The following SH3RF2 variants were observed in gnomAD, a reference collection of about 807,000 sequenced individuals.
SH3RF2 encodes the protein E3 ubiquitin-protein ligase SH3RF2.
In SH3RF2, 43 loss-of-function variants were observed where a neutral mutation model predicts 59.0. The ratio of observed to expected loss-of-function variants is 0.73; its 90% CI spans 0.57 to 0.94. The LOEUF is 0.94. SH3RF2 is among the 40% of genes least tolerant of loss of function. The pLI, the probability that SH3RF2 is intolerant of heterozygous loss-of-function variation, is 0.00. For missense variants in SH3RF2, 930 were observed against 940.1 expected (o/e 0.99, Z 0.14); for synonymous variants, 391 against 391.5 (o/e 1.00, Z 0.01).
intron 5 of SH3RF2, among the ~76,000 whole-genome samples, chr5:146,042,813 G>A (rs951593987): frequency 3.3e-5 from 5 of 152,184 alleles, no homozygotes; most frequent in African/African-American, 1.2e-4. Flanking sequence ...TCCTTCAAAA[G>A]GGAGGGAAAA....
rs200244099 is a variant in SH3RF2 at position 146,013,932 on chromosome 5, G to A, written c.930G>A (p.Arg310=). The change falls in exon 5 of 10, where the codon CGG becomes CGA. Residue 310 remains arginine, a synonymous_variant. Coordinates refer to ENST00000359120, the MANE Select transcript of SH3RF2 (RefSeq NM_152550.4). ...SITTALNTLN[R]MVHSPSGRHM... Reference sequence around the variant, plus strand: ...CAACAGCCTTGAACACTCTCAACCGGATGGTCCATTCTCCTTCAGGGCGCC... The same window carrying A: ...CAACAGCCTTGAACACTCTCAACCGAATGGTCCATTCTCCTTCAGGGCGCC... The A allele has an allele frequency of 1.2e-6, 2 of 1,614,130 alleles. No individual in the cohort carries two copies. The highest frequency in any genetic ancestry group is 2.2e-5 in the East Asian group (1 of 44,876).
At chr5:145,995,154 T>C (rs1375119792) in intron 2 of SH3RF2, among the ~76,000 whole-genome samples, 1 of 152,144 alleles carries the variant, frequency 6.6e-6, no homozygotes, top group African/African-American at 2.4e-5. Flanking sequence ...GTCCTCAGTA[T>C]TCAAGATGGC....
chr5:145,950,334 C>A (rs1434950724), intron 2 of SH3RF2, among the ~76,000 whole-genome samples: 3 of 152,170 alleles, frequency 2.0e-5, no homozygotes, highest in Admixed American at 2.0e-4. Flanking sequence ...CCTCATGGAG[C>A]CCTGCACTAG....
intron 3 of SH3RF2, among the ~76,000 whole-genome samples, chr5:146,002,966 G>T (rs1410096011): frequency 1.3e-5 from 2 of 152,172 alleles, no homozygotes; most frequent in African/African-American, 4.8e-5. Flanking sequence ...TGCCAAAAAG[G>T]TTGGGTACCG....
rs1306836202 is a variant in SH3RF2 at position 146,047,810 on chromosome 5, T to C, written c.1098T>C (p.His366=). 1 of 1,613,994 alleles carries C rather than the reference T, an allele frequency of 6.2e-7. No homozygotes were observed. Among genetic ancestry groups the C allele is most frequent in the African/African-American group, 1.3e-5 (1 of 74,924 alleles). The change falls in exon 6 of 10, where the codon CAT becomes CAC. Residue 366 remains histidine, a synonymous_variant. Coordinates refer to ENST00000359120, the MANE Select transcript of SH3RF2 (RefSeq NM_152550.4). ...ACCCCGCACCTGTCTCTCCAGGACATTCCACAGCCGTGGTCAGTCTGCCTG... is the reference window on the plus strand; with the variant it reads ...ACCCCGCACCTGTCTCTCCAGGACACTCCACAGCCGTGGTCAGTCTGCCTG... The part of the protein sequence containing the change: ...TYHPAPVSPG[H]STAVVSLPGS...
At chr5:146,000,573 C>T (rs1056955119) in intron 3 of SH3RF2, among the ~76,000 whole-genome samples, 5 of 152,006 alleles carry the variant, frequency 3.3e-5, no homozygotes, top group African/African-American at 7.2e-5. Context: ...GAGAAATCTA[C>T]GAATAAGTGA....
At chr5:146,033,698 G>C (rs1311589722) in intron 5 of SH3RF2, among the ~76,000 whole-genome samples, 1 of 151,794 alleles carries the variant, frequency 6.6e-6, no homozygotes, top group Admixed American at 6.6e-5. Context: ...TCGAACTCCC[G>C]ATCTCAGGTG....
chr5:145,953,124 T>A (rs200211982), intron 2 of SH3RF2, among the ~76,000 whole-genome samples: 2 of 148,820 alleles, frequency 1.3e-5, no homozygotes, highest in African/African-American at 5.0e-5. Context: ...TCTCTCTCTG[T>A]CACACACACA....
At chr5:145,941,638 G>A (rs538503604) in intron 2 of SH3RF2, among the ~76,000 whole-genome samples, 1 of 152,174 alleles carries the variant, frequency 6.6e-6, no homozygotes, top group African/African-American at 2.4e-5. Context: ...ATTTAGGATA[G>A]GTGGTAAAGC....
At chr5:146,077,314 A>G (rs1341212573) in intron 9 of SH3RF2, among the ~76,000 whole-genome samples, 1 of 152,202 alleles carries the variant, frequency 6.6e-6, no homozygotes, top group East Asian at 1.9e-4. Context: ...ATGTGTGAGG[A>G]TCATAGGAAT....
chr5:146,047,396 A>G (rs1026343646), intron 5 of SH3RF2, among the ~76,000 whole-genome samples: 24 of 152,254 alleles, frequency 1.6e-4, no homozygotes, highest in Non-Finnish European at 2.2e-4. Flanking sequence ...GTTCTGAATC[A>G]ATATTAGCCA....
At chr5:146,066,017 C>T (rs1320636858), downstream of SH3RF2, among the ~76,000 whole-genome samples, 1 of 152,212 alleles carries the variant, frequency 6.6e-6, no homozygotes, top group Non-Finnish European at 1.5e-5. Flanking sequence ...AAACACATCC[C>T]CTCATGTAAT....
chr5:146,037,287 C>A (rs1205045911), intron 5 of SH3RF2, among the ~76,000 whole-genome samples: 1 of 152,170 alleles, frequency 6.6e-6, no homozygotes, highest in Non-Finnish European at 1.5e-5. Flanking sequence ...CCTCCCACAG[C>A]CAATAAGTTA....
chr5:145,946,303 G>A (rs779560235), intron 2 of SH3RF2, among the ~76,000 whole-genome samples: 3 of 152,122 alleles, frequency 2.0e-5, no homozygotes, highest in Non-Finnish European at 2.9e-5. Context: ...TTTTTTCCGA[G>A]TACAAACAAA....
intron 5 of SH3RF2, among the ~76,000 whole-genome samples, chr5:146,028,205 C>CAT (rs1263903549): frequency 9.1e-6 from 1 of 109,394 alleles, no homozygotes; most frequent in African/African-American, 2.8e-5. Flanking sequence ...CACACACACA[C>CAT]ACACAGAGAT....
intron 2 of SH3RF2, among the ~76,000 whole-genome samples, chr5:145,973,665 A>G (rs575030286): frequency 6.6e-6 from 1 of 152,268 alleles, no homozygotes; most frequent in South Asian, 2.1e-4. Flanking sequence ...ACCAAACTCA[A>G]TTCTGTTCTT....
intron 6 of SH3RF2, among the ~76,000 whole-genome samples, chr5:146,048,314 CAAA>C (rs34925445): frequency 2.2e-5 from 3 of 138,570 alleles, no homozygotes; most frequent in Admixed American, 7.2e-5. Flanking sequence ...GACCCTGTCT[CAAA>C]AAAAAAAAAA....
At chr5:145,998,316 G>A (rs1223836320) in intron 2 of SH3RF2, among the ~76,000 whole-genome samples, 1 of 148,832 alleles carries the variant, frequency 6.7e-6, no homozygotes, top group Non-Finnish European at 1.5e-5. Context: ...ACTCCAGTGA[G>A]ACTAAAATCT....
intron 2 of SH3RF2, among the ~76,000 whole-genome samples, chr5:145,945,157 G>T (rs1406362920): frequency 6.6e-6 from 1 of 152,184 alleles, no homozygotes; most frequent in Non-Finnish European, 1.5e-5. Context: ...TAGAGGGAAA[G>T]AGAAACACTA....
Sources: allele counts gnomAD v4.1 joint callset (sites outside exome capture counted in the v4.1 genomes callset), GRCh38; gene constraint gnomAD v4.1.1; transcripts MANE v1.5; gene names NCBI Gene and HGNC (gene_info 2026-07-23, HGNC 2026-07-21).